B4GALT5: variants seen among roughly 807,000 people sequenced by gnomAD.
B4GALT5 encodes the protein beta-1,4-galactosyltransferase 5, also known as UDP-Gal:beta-GlcNAc beta-1,4-galactosyltransferase 5.
In B4GALT5, 11 loss-of-function variants were observed where a neutral mutation model predicts 45.0. That is an observed-to-expected ratio of 0.24 (90% CI 0.15 to 0.40). B4GALT5 has a LOEUF of 0.40. B4GALT5 is among the 10% of genes least tolerant of loss of function. The pLI is 1.00. For missense variants in B4GALT5, 337 were observed against 500.2 expected (o/e 0.67, Z 3.11); for synonymous variants, 185 against 182.9 (o/e 1.01, Z -0.09).
At chr20:49,698,615 C>T (rs940772737) in intron 1 of B4GALT5, among the ~76,000 whole-genome samples, 2 of 151,990 alleles carry the variant, frequency 1.3e-5, no homozygotes, top group South Asian at 2.1e-4. Context: ...CGCATTCACA[C>T]ACACACACAA....
At chr20:49,710,280 A>C (rs2085902174) in intron 1 of B4GALT5, among the ~76,000 whole-genome samples, 1 of 152,206 alleles carries the variant, frequency 6.6e-6, no homozygotes, top group East Asian at 1.9e-4. Context: ...CAGAAAACAG[A>C]ATTGTCATTG....
intron 1 of B4GALT5, among the ~76,000 whole-genome samples, chr20:49,673,809 G>C (rs1036679690): frequency 1.3e-5 from 2 of 152,112 alleles, no homozygotes; most frequent in African/African-American, 4.8e-5. Flanking sequence ...ATTTAACGTG[G>C]CTCAGTGGAG....
At chr20:49,690,253 AC>A (rs1301439772) in intron 1 of B4GALT5, among the ~76,000 whole-genome samples, 1 of 152,110 alleles carries the variant, frequency 6.6e-6, no homozygotes, top group Non-Finnish European at 1.5e-5. Flanking sequence ...TGATCTACCT[AC>A]TTCCGCCTCC....
intron 1 of B4GALT5, among the ~76,000 whole-genome samples, chr20:49,688,951 A>C (rs540467751): frequency 3.3e-5 from 5 of 152,212 alleles, no homozygotes; most frequent in African/African-American, 9.6e-5. Flanking sequence ...AAAAAAAAAA[A>C]AAAACAGGGT....
At position 49,633,683 on chromosome 20, in the gene B4GALT5, G is replaced by A. The variant is rs546849170; in HGVS notation, c.*2629C>T. On this transcript the variant is annotated 3_prime_UTR_variant, in exon 9 of 9. Coordinates refer to ENST00000371711, the MANE Select transcript of B4GALT5 (RefSeq NM_004776.4). ...TCAAATCAGCATTTTCTAAAGTCAG[G>A]TGTTAGCCTTTTGCCAACAGTGTGT... The A allele has an allele frequency of 6.6e-6, 1 of 152,278 alleles. No homozygotes were observed. Among genetic ancestry groups the A allele is most frequent in the South Asian group, 2.1e-4 (1 of 4,822 alleles). 9.4% of individuals were successfully genotyped at this position (152,278 alleles called of 1,614,324 possible).
intron 2 of B4GALT5, among the ~76,000 whole-genome samples, chr20:49,656,240 G>A (rs917145839): frequency 6.6e-6 from 1 of 152,102 alleles, no homozygotes; most frequent in Non-Finnish European, 1.5e-5. Context: ...CACCAAGAGT[G>A]GAAGCAGCCT....
chr20:49,656,367 C>T (rs2085642965), intron 2 of B4GALT5, among the ~76,000 whole-genome samples: 1 of 152,154 alleles, frequency 6.6e-6, no homozygotes. Flanking sequence ...TCTTTTATAG[C>T]AACACAAACA....
rs1225048781 is a variant in B4GALT5 at position 49,633,318 on chromosome 20, T to C, written c.*2994A>G. The C allele has an allele frequency of 9.3e-6, 1 of 107,636 alleles. No individual in the cohort carries two copies. The highest frequency in any genetic ancestry group is 3.7e-5 in the African/African-American group (1 of 27,130). 6.7% of individuals were successfully genotyped at this position (107,636 alleles called of 1,614,324 possible). A position where few individuals can be genotyped will look rare whatever the true frequency, so the allele number is the denominator to read the frequency against. On this transcript the variant is annotated 3_prime_UTR_variant, in exon 9 of 9. Transcript: ENST00000371711. ...TACCCCCCCACCCCCCAAAACAGCA[T>C]GAACAAACGGGGACACCTTTCCCTG...
intron 2 of B4GALT5, 94 bp from the exon 3 acceptor site, chr20:49,647,172 A>T: frequency 1.4e-6 from 1 of 735,560 alleles, no homozygotes; most frequent in East Asian, 2.7e-5. Flanking sequence ...TCTCTTAGCT[A>T]TCATCTTGGT....
At chr20:49,664,213 A>C (rs952797783) in intron 1 of B4GALT5, among the ~76,000 whole-genome samples, 1 of 152,106 alleles carries the variant, frequency 6.6e-6, no homozygotes, top group Non-Finnish European at 1.5e-5. Context: ...GAAAACAAGA[A>C]GATAAATCTA....
chr20:49,688,476 G>A (rs1042674356), intron 1 of B4GALT5, among the ~76,000 whole-genome samples: 2 of 152,170 alleles, frequency 1.3e-5, no homozygotes, highest in African/African-American at 4.8e-5. Context: ...CCACGCCCTT[G>A]CTGTGGTCAG....
intron 2 of B4GALT5, among the ~76,000 whole-genome samples, chr20:49,655,774 C>T (rs2085640077): frequency 6.6e-6 from 1 of 151,746 alleles, no homozygotes; most frequent in African/African-American, 2.4e-5. Context: ...ACTAAAAATA[C>T]AAAAATTAGC....
At chr20:49,697,301 G>A (rs1414650808) in intron 1 of B4GALT5, among the ~76,000 whole-genome samples, 5 of 152,202 alleles carry the variant, frequency 3.3e-5, no homozygotes, top group Non-Finnish European at 2.9e-5. Context: ...CAAGCGCAGC[G>A]GCGCCTTTGA....
rs189130807 is a variant in B4GALT5, at chr20:49,633,144, G to C, written c.*3168C>G. 2 of 152,756 alleles carry C rather than the reference G, an allele frequency of 1.3e-5. No individual in the cohort carries two copies. The highest frequency in any genetic ancestry group is 3.9e-4 in the East Asian group (2 of 5,186). 9.5% of individuals were successfully genotyped at this position (152,756 alleles called of 1,614,324 possible). On this transcript the variant is annotated 3_prime_UTR_variant, in exon 9 of 9. Transcript: ENST00000371711. ...GTAAGAGCAAGCTCAAAAACACGTA[G>C]TGATGGAAATAAGCTAGCTACGCTC...
At chr20:49,658,494 T>A (rs1165318388) in intron 1 of B4GALT5, among the ~76,000 whole-genome samples, 1 of 152,212 alleles carries the variant, frequency 6.6e-6, no homozygotes, top group Non-Finnish European at 1.5e-5. Flanking sequence ...ATTGAAAATT[T>A]TGTGTAAAGC....
In B4GALT5 at chr20:49,634,206, C is replaced by CA. The variant is rs1426489181; in HGVS notation, c.*2105dup. ...AAGAACAAAAACACAAACAAACAAA[C>CA]AAACAAAACAAGGCCTGGCCAATCA... On this transcript the variant is annotated 3_prime_UTR_variant, in exon 9 of 9. Transcript: ENST00000371711. 22 of 152,164 alleles carry CA rather than the reference C, an allele frequency of 1.4e-4. No homozygotes were observed. The highest frequency in any genetic ancestry group is 3.4e-4 in the African/African-American group (14 of 41,346). The allele number at this position is 152,164 out of a possible 1,614,324, so 9.4% of individuals were successfully genotyped here.
At chr20:49,703,891 GA>G (rs34950656) in intron 1 of B4GALT5, among the ~76,000 whole-genome samples, 173 of 142,592 alleles carry the variant, frequency 1.2e-3, no homozygotes, top group Non-Finnish European at 1.8e-3. Flanking sequence ...TCCATCTCAG[GA>G]AAAAAAAAAA....
intron 2 of B4GALT5, among the ~76,000 whole-genome samples, 195 bp from the exon 3 acceptor site, chr20:49,647,273 C>T (rs1192158984): frequency 6.6e-6 from 1 of 152,182 alleles, no homozygotes; most frequent in African/African-American, 2.4e-5. Context: ...AGATTTTAAC[C>T]AGTGTTCCTA....
intron 1 of B4GALT5, among the ~76,000 whole-genome samples, chr20:49,700,499 C>T (rs2085857233): frequency 6.6e-6 from 1 of 151,592 alleles, no homozygotes; most frequent in Non-Finnish European, 1.5e-5. Flanking sequence ...AGTTTTCCCC[C>T]AGGTTGCCTA....
Sources: gnomAD v4.1 joint callset for allele counts (sites outside exome capture counted in the v4.1 genomes callset) on GRCh38, gnomAD v4.1.1 for gene constraint, MANE v1.5 for transcripts, NCBI Gene and HGNC (gene_info 2026-07-23, HGNC 2026-07-21) for gene names.